The following CACNB2 variants were observed in gnomAD, a reference collection of about 807,000 sequenced individuals.
CACNB2 encodes the protein voltage-dependent L-type calcium channel subunit beta-2.
CACNB2 carries 42 observed loss-of-function variants against 73.3 expected under a neutral mutation model. The ratio of observed to expected loss-of-function variants is 0.57; its 90% confidence interval spans 0.45 to 0.74. CACNB2 has a LOEUF of 0.74. Among genes scored for constraint, CACNB2 ranks in the 30% least tolerant of loss-of-function variants. The pLI, the probability that CACNB2 is intolerant of heterozygous loss-of-function variation, is 0.00. For missense variants in CACNB2, 940 were observed against 853.0 expected (o/e 1.10, Z -1.27); for synonymous variants, 348 against 310.3 (o/e 1.12, Z -1.28).
rs1225043100 is a variant in CACNB2, at chr10:18,140,702, G to A, written c.-35G>A. The A allele has an allele frequency of 6.4e-7, 1 of 1,569,230 alleles. No individual in the cohort carries two copies. Among genetic ancestry groups the A allele is most frequent in the Non-Finnish European group, 8.7e-7 (1 of 1,154,532 alleles). On this transcript the variant is annotated 5_prime_UTR_variant, in exon 1 of 14. Coordinates refer to ENST00000324631, the MANE Select transcript of CACNB2 (RefSeq NM_201596.3). ...GAGGAGGAGGGGACCCGCCGCCGGG[G>A]GCTGGCTGCTTCGCTCCGAGCCGAC... is the stretch of plus-strand genomic sequence containing the variant.
intron 2 of CACNB2, chr10:18,206,329 T>C (rs2035091488): frequency 6.6e-6 from 1 of 152,262 alleles, no homozygotes; most frequent in Non-Finnish European, 1.5e-5. Flanking sequence ...CATAGCTGTA[T>C]CTCCTTTGTC....
intron 5 of CACNB2, among the ~76,000 whole-genome samples, chr10:18,502,724 A>ACC (rs1248069005): frequency 1.5e-5 from 2 of 133,874 alleles, no homozygotes; most frequent in African/African-American, 5.6e-5. Flanking sequence ...AAAAAAAAAA[A>ACC]CCGCATGTTT....
At chr10:18,392,949 C>G (rs1342839916) in intron 2 of CACNB2, among the ~76,000 whole-genome samples, 1 of 152,090 alleles carries the variant, frequency 6.6e-6, no homozygotes, top group Non-Finnish European at 1.5e-5. Flanking sequence ...TGGCTCACAC[C>G]TGTAATCCCA....
intron 2 of CACNB2, among the ~76,000 whole-genome samples, chr10:18,191,813 C>T (rs374319379): frequency 1.5e-4 from 23 of 152,264 alleles, no homozygotes; most frequent in African/African-American, 5.3e-4. Context: ...TATAAATATA[C>T]CACAGTTTTT....
chr10:18,498,687 T>G (rs2049988171), intron 4 of CACNB2: 1 of 555,554 alleles, frequency 1.8e-6, no homozygotes, highest in South Asian at 2.0e-5. Context: ...TGCAATAACT[T>G]CAGCGCTCCC....
At chr10:18,483,739 T>G (rs917847696) in intron 3 of CACNB2, among the ~76,000 whole-genome samples, 5 of 152,214 alleles carry the variant, frequency 3.3e-5, no homozygotes, top group African/African-American at 1.2e-4. Flanking sequence ...CAGCATGTAC[T>G]TTGTAAAGGC....
chr10:18,465,127 C>T (rs1218752684), intron 3 of CACNB2, among the ~76,000 whole-genome samples: 2 of 152,120 alleles, frequency 1.3e-5, no homozygotes, highest in Non-Finnish European at 2.9e-5. Context: ...GTCAGGAGTT[C>T]AAGACCAGCC....
chr10:18,314,193 GA>G lies in CACNB2; in HGVS notation c.214-87725del, dbSNP rs537533499. 2.4e-3 allele frequency among the ~76,000 whole-genome samples: 363 copies of G among 152,246 alleles called. 2 individuals carry two copies. The highest frequency in any genetic ancestry group is 8.5e-3 in the African/African-American group (352 of 41,556). On this transcript the variant is annotated intron_variant, in intron 2 of 13. Transcript: ENST00000324631. ...CGATATTGTGGTTAATAGCTTTCTA[GA>G]AAAAAGAGTTGTTATAAAACCATAA...
At chr10:18,503,486 C>T (rs1289157271) in intron 5 of CACNB2, among the ~76,000 whole-genome samples, 1 of 152,160 alleles carries the variant, frequency 6.6e-6, no homozygotes, top group African/African-American at 2.4e-5. Flanking sequence ...ACCCCAGCTA[C>T]TTGGGAGCCT....
chr10:18,198,107 A>G (rs2034708979), intron 2 of CACNB2, among the ~76,000 whole-genome samples: 1 of 148,238 alleles, frequency 6.7e-6, no homozygotes, highest in Non-Finnish European at 1.5e-5. Context: ...CATGTAATAT[A>G]TTCATATGAC....
chr10:18,378,661 G>A (rs1259361455), intron 2 of CACNB2, among the ~76,000 whole-genome samples: 2 of 152,172 alleles, frequency 1.3e-5, no homozygotes, highest in Non-Finnish European at 2.9e-5. Context: ...CGAGGTGGGA[G>A]GATCGGTTCA....
chr10:18,539,846 G>GTAT lies in CACNB2; in HGVS notation c.*127_*129dup. 1 of 1,045,772 alleles carries GTAT rather than the reference G, an allele frequency of 9.6e-7. No homozygotes were observed. Among genetic ancestry groups the GTAT allele is most frequent in the Non-Finnish European group, 1.4e-6 (1 of 723,498 alleles). The allele number at this position is 1,045,772 out of a possible 1,614,324, so 64.8% of individuals were successfully genotyped here. On this transcript the variant is annotated 3_prime_UTR_variant, in exon 14 of 14. Transcript: ENST00000324631. ...TATGTGATCTGTCTTGTAATATTTT[G>GTAT]TATTATTGCTGTTGCTTGAATAGCA...
intron 2 of CACNB2, among the ~76,000 whole-genome samples, chr10:18,186,742 C>G (rs2034171975): frequency 1.3e-5 from 2 of 152,114 alleles, no homozygotes; most frequent in Admixed American, 6.6e-5. Context: ...AAATCCACCC[C>G]CATGATCCAG....
chr10:18,423,289 G>A (rs2045425000), intron 3 of CACNB2, among the ~76,000 whole-genome samples: 2 of 152,238 alleles, frequency 1.3e-5, no homozygotes, highest in Admixed American at 1.3e-4. Flanking sequence ...TTAGTGAAAA[G>A]TAATGATTAA....
intron 3 of CACNB2, among the ~76,000 whole-genome samples, chr10:18,421,981 C>T (rs1393038625): frequency 6.6e-6 from 1 of 152,208 alleles, no homozygotes; most frequent in Admixed American, 6.5e-5. Context: ...ATATACACTA[C>T]TGTAAATACT....
intron 7 of CACNB2, among the ~76,000 whole-genome samples, chr10:18,517,098 C>G (rs778534127): frequency 3.3e-5 from 5 of 152,120 alleles, no homozygotes; most frequent in Non-Finnish European, 5.9e-5. Context: ...TCTTGAGTGA[C>G]GGGCAGATGC....
chr10:18,394,536 T>C (rs2043629910), intron 2 of CACNB2, among the ~76,000 whole-genome samples: 2 of 152,282 alleles, frequency 1.3e-5, no homozygotes, highest in Middle Eastern at 6.8e-3. Flanking sequence ...GTGGATCCAA[T>C]TTGTTATATA....
At chr10:18,536,707 G>C (rs975259359) in intron 12 of CACNB2, among the ~76,000 whole-genome samples, 6 of 152,132 alleles carry the variant, frequency 3.9e-5, no homozygotes. Context: ...TCCAAACGAT[G>C]ATCATAGCTT....
chr10:18,220,110 AATATATATATATATATATATAT>A (rs1165921150), intron 2 of CACNB2, among the ~76,000 whole-genome samples: 20 of 32,760 alleles, frequency 6.1e-4, no homozygotes, highest in East Asian at 5.7e-3. Flanking sequence ...TTTATTTTTT[AATATATATATATATATATATAT>A]ATATATATAT....
Sources: gnomAD v4.1 joint callset for allele counts (sites outside exome capture counted in the v4.1 genomes callset) on GRCh38, gnomAD v4.1.1 for gene constraint, MANE v1.5 for transcripts, NCBI Gene and HGNC (gene_info 2026-07-23, HGNC 2026-07-21) for gene names.